SLC35F4: variants seen among roughly 807,000 people sequenced by gnomAD.
SLC35F4 encodes the protein chromosome 14 open reading frame 36.
Under a neutral mutation model 44.2 loss-of-function variants are expected in SLC35F4, and 24 were observed. That is an observed-to-expected ratio of 0.54 (90% CI 0.39 to 0.76). The LOEUF (loss-of-function observed/expected upper bound fraction) is 0.76, where lower values mean the gene tolerates loss of function less well. Ranked by LOEUF, SLC35F4 falls within the 30% of genes least tolerant of loss-of-function variation. The probability of loss-of-function intolerance (pLI) is 0.00; values close to 1 mark genes in which losing one functional copy is unlikely to be tolerated. For missense variants in SLC35F4, 562 were observed against 586.1 expected, an observed-to-expected ratio of 0.96 and a Z score of 0.42; for synonymous variants, 238 against 223.6, an observed-to-expected ratio of 1.06 and a Z score of -0.57.
intron 1 of SLC35F4, among the ~76,000 whole-genome samples, chr14:57,737,536 CA>C (rs2076498356): frequency 6.6e-6 from 1 of 152,006 alleles, no homozygotes; most frequent in Non-Finnish European, 1.5e-5. Context: ...AAGGCTGCAG[CA>C]ATGGTAAAAC....
intron 1 of SLC35F4, among the ~76,000 whole-genome samples, chr14:57,934,488 T>A (rs1012544928): frequency 5.3e-5 from 8 of 151,878 alleles, no homozygotes; most frequent in Middle Eastern, 3.2e-3. Context: ...AGTCACCCTG[T>A]AGTTCATTGT....
At position 57,787,573 on chromosome 14, in the gene SLC35F4, G is replaced by A. The variant is rs193251389; in HGVS notation, c.103+78150C>T. 3.7e-3 allele frequency among the ~76,000 whole-genome samples: 568 copies of A among 152,268 alleles called. 1 individual carries two copies. Among genetic ancestry groups the A allele is most frequent in the Non-Finnish European group, 6.0e-3 (406 of 67,996 alleles). On this transcript the variant is annotated intron_variant, in intron 1 of 7. Transcript: ENST00000556826. ...TAACATCAGATTTCTCAACAGAAAC[G>A]CTACAAGCTAGAAGGGATTGGGGCC... is the stretch of plus-strand genomic sequence containing the variant.
At chr14:57,880,034 G>GAGGAAGGA (rs59505576) in intron 1 of SLC35F4, among the ~76,000 whole-genome samples, 3 of 92,946 alleles carry the variant, frequency 3.2e-5, no homozygotes, top group Non-Finnish European at 6.4e-5. Flanking sequence ...GGAAAGGAGG[G>GAGGAAGGA]AGGAAGGAAG....
intron 1 of SLC35F4, among the ~76,000 whole-genome samples, chr14:57,802,725 T>C (rs1449893095): frequency 6.6e-6 from 1 of 151,796 alleles, no homozygotes; most frequent in Admixed American, 6.6e-5. Flanking sequence ...AAGAAATAGG[T>C]AAATTCCTGG....
intron 1 of SLC35F4, among the ~76,000 whole-genome samples, chr14:57,922,737 G>C (rs1231251381): frequency 4.0e-5 from 6 of 151,732 alleles, no homozygotes; most frequent in Non-Finnish European, 8.8e-5. Flanking sequence ...CCGAGATCTT[G>C]ACACTGGCTA....
chr14:57,623,269 A>G (rs2072294376), intron 1 of SLC35F4, among the ~76,000 whole-genome samples: 1 of 152,210 alleles, frequency 6.6e-6, no homozygotes. Flanking sequence ...TAAATATCCT[A>G]AATATATATG....
chr14:57,906,255 G>A (rs1889101992), intron 1 of SLC35F4, among the ~76,000 whole-genome samples: 1 of 152,172 alleles, frequency 6.6e-6, no homozygotes, highest in South Asian at 2.1e-4. Flanking sequence ...CTTACAATTT[G>A]GTATATGGCC....
intron 1 of SLC35F4, among the ~76,000 whole-genome samples, chr14:57,832,078 C>A (rs115981770): frequency 0.01 from 1,551 of 152,202 alleles, 26 homozygotes; most frequent in African/African-American, 0.035. Flanking sequence ...ATCTACAAAC[C>A]AGAAGATGTG....
Position 57,605,815 on chromosome 14 carries a change from A to G in SLC35F4, c.104-11691T>C, listed in dbSNP as rs140688811. Among the ~76,000 whole-genome samples the G allele has an allele frequency of 7.1e-4, 108 of 152,302 alleles. 1 individual carries two copies. The highest frequency in any genetic ancestry group is 2.4e-3 in the African/African-American group (99 of 41,560). ...ATGAAATCACGTCCCTTGCAACAAC[A>G]CAGATACAACTGAAAACCATTATCC... On this transcript the variant is annotated intron_variant, in intron 1 of 7. Coordinates refer to ENST00000556826, the MANE Select transcript of SLC35F4 (RefSeq NM_001306087.2).
chr14:57,788,959 C>G (rs754010190), intron 1 of SLC35F4, among the ~76,000 whole-genome samples: 10 of 152,064 alleles, frequency 6.6e-5, no homozygotes, highest in African/African-American at 2.4e-4. Context: ...CTCTTTGAAC[C>G]CAATGAGAAC....
intron 1 of SLC35F4, among the ~76,000 whole-genome samples, chr14:57,890,571 TA>T (rs1888740221): frequency 2.0e-5 from 3 of 151,592 alleles, no homozygotes; most frequent in Admixed American, 2.0e-4. Context: ...GAGCTTCCTC[TA>T]TCAATATTCT....
chr14:57,595,526 C>T (rs183347488), intron 1 of SLC35F4, among the ~76,000 whole-genome samples: 51 of 152,096 alleles, frequency 3.4e-4, no homozygotes, highest in East Asian at 1.2e-3. Context: ...TTTCTGGAGT[C>T]GGGGAGGTCT....
chr14:57,583,223 A>G (rs1405293027), intron 3 of SLC35F4, among the ~76,000 whole-genome samples: 1 of 152,216 alleles, frequency 6.6e-6, no homozygotes, highest in African/African-American at 2.4e-5. Context: ...AGCACCATAC[A>G]TAGAACCAGA....
chr14:57,854,822 C>T (rs190844002), intron 1 of SLC35F4, among the ~76,000 whole-genome samples: 2 of 152,156 alleles, frequency 1.3e-5, no homozygotes, highest in Non-Finnish European at 2.9e-5. Flanking sequence ...CAGGTAGAAC[C>T]GTCCCTTTCT....
At position 57,894,373 on chromosome 14, in the gene SLC35F4, T is replaced by C. The variant is rs1013843465; in HGVS notation, n.282+87540A>G. 1.3e-4 allele frequency among the ~76,000 whole-genome samples: 19 copies of C among 151,866 alleles called. 1 individual carries two copies. Among genetic ancestry groups the C allele is most frequent in the Non-Finnish European group, 2.6e-4 (18 of 67,940 alleles). On this transcript the variant is annotated intron_variant and non_coding_transcript_variant, in intron 1 of 1. Transcript: ENST00000556568. The stretch of plus-strand genomic sequence containing the variant: ...CAGCACTATTTAAATGGCAAAAAAA[T>C]GAAAACTCAAGTGCCCAGCAAGGGA...
intron 1 of SLC35F4, among the ~76,000 whole-genome samples, chr14:57,947,088 G>A (rs1360520381): frequency 6.6e-6 from 1 of 151,934 alleles, no homozygotes; most frequent in African/African-American, 2.4e-5. Context: ...TTATTTTCAC[G>A]ATATTGATTC....
rs78453963 is a variant in SLC35F4 at position 57,923,755 on chromosome 14, C to T, written n.282+58158G>A. Reference sequence around the variant, plus strand: ...GGAGAAGAGGAGAAGAATTGAGCTACCCATCTGAGGATTCTCAATAGAAAG... The same window carrying T: ...GGAGAAGAGGAGAAGAATTGAGCTATCCATCTGAGGATTCTCAATAGAAAG... On this transcript the variant is annotated intron_variant and non_coding_transcript_variant, in intron 1 of 1. Transcript: ENST00000556568. 3.4e-3 allele frequency among the ~76,000 whole-genome samples: 516 copies of T among 152,340 alleles called. 3 individuals are homozygous for T. The highest frequency in any genetic ancestry group is 0.011 in the African/African-American group (470 of 41,578).
intron 1 of SLC35F4, among the ~76,000 whole-genome samples, chr14:57,608,793 GGGGCGGC>G (rs368267387): frequency 0.12 from 3,340 of 28,314 alleles, 95 homozygotes; most frequent in Non-Finnish European, 0.25. Context: ...TGGCCGGGGG[GGGGCGGC>G]GGGGGGAGAG....
chr14:57,750,001 C>T (rs1028340984), intron 1 of SLC35F4, among the ~76,000 whole-genome samples: 1 of 152,092 alleles, frequency 6.6e-6, no homozygotes, highest in Non-Finnish European at 1.5e-5. Flanking sequence ...CTAAATAACA[C>T]ATGTTGTACT....
Sources: allele counts gnomAD v4.1 joint callset (sites outside exome capture counted in the v4.1 genomes callset), GRCh38; gene constraint gnomAD v4.1.1; transcripts MANE v1.5; gene names NCBI Gene and HGNC (gene_info 2026-07-23, HGNC 2026-07-21).